The following CLASP1 variants were observed in gnomAD, a reference collection of about 807,000 sequenced individuals.
CLASP1 encodes the protein CLIP-associating protein 1.
A neutral mutation model predicts 192.3 loss-of-function variants in CLASP1; 38 were observed. That is an observed-to-expected ratio of 0.20 (90% CI 0.15 to 0.26). The LOEUF (loss-of-function observed/expected upper bound fraction) is 0.26, where lower values mean the gene tolerates loss of function less well. Among genes scored for constraint, CLASP1 ranks in the 10% least tolerant of loss-of-function variants. The pLI is 1.00. For synonymous variants in CLASP1, 691 were observed against 712.8 expected, an observed-to-expected ratio of 0.97 and a Z score of 0.49; for missense variants, 1,433 against 1,932.5, an observed-to-expected ratio of 0.74 and a Z score of 4.85.
chr2:121,643,649 T>C (rs541989946), intron 1 of CLASP1, among the ~76,000 whole-genome samples: 1 of 152,294 alleles, frequency 6.6e-6, no homozygotes, highest in East Asian at 1.9e-4. Context: ...AAAAAAAGGG[T>C]AACAGTGTGT....
At chr2:121,544,665 T>C (rs1015860936) in intron 2 of CLASP1, among the ~76,000 whole-genome samples, 6 of 152,150 alleles carry the variant, frequency 3.9e-5, no homozygotes, top group African/African-American at 1.4e-4. Flanking sequence ...GAACAAGCTG[T>C]TAGACATATA....
At chr2:121,515,797 G>A in intron 6 of CLASP1, 35 bp from the exon 7 acceptor site, 1 of 1,577,716 alleles carries the variant, frequency 6.3e-7, no homozygotes, top group Non-Finnish European at 8.7e-7. Context: ...CAGCTGCTCT[G>A]TGTCATCCCC....
At chr2:121,412,935 C>T (rs1293444511) in intron 23 of CLASP1, among the ~76,000 whole-genome samples, 1 of 152,162 alleles carries the variant, frequency 6.6e-6, no homozygotes, top group Admixed American at 6.5e-5. Flanking sequence ...TCAGTCTGGT[C>T]CCTAATCTTC....
At chr2:121,348,410 C>T in intron 38 of CLASP1, 102 bp downstream of exon 39, 2 of 1,085,262 alleles carry the variant, frequency 1.8e-6, no homozygotes, top group South Asian at 1.6e-5. Flanking sequence ...GTTTTTCCTA[C>T]CCGTCCCTGC....
chr2:121,499,234 A>G (rs939805085), intron 8 of CLASP1, among the ~76,000 whole-genome samples: 1 of 152,242 alleles, frequency 6.6e-6, no homozygotes, highest in Non-Finnish European at 1.5e-5. Context: ...AATCTTGTTC[A>G]GCCATAAAAA....
chr2:121,374,613 CACA>C (rs2069559389), intron 34 of CLASP1, among the ~76,000 whole-genome samples: 1 of 152,212 alleles, frequency 6.6e-6, no homozygotes, highest in South Asian at 2.1e-4. Flanking sequence ...CTTGCAGAGC[CACA>C]AGGGTGGAGC....
chr2:121,356,919 G>T (rs865868540), intron 37 of CLASP1, among the ~76,000 whole-genome samples: 2 of 151,020 alleles, frequency 1.3e-5, no homozygotes, highest in Non-Finnish European at 2.9e-5. Context: ...GGGGCTGGGA[G>T]CCCAGGAGGT....
rs918348085 is a variant in CLASP1 at position 121,397,907 on chromosome 2, A to G, written c.2979+415T>C. Among the ~76,000 whole-genome samples, 94 of 152,202 alleles carry G rather than the reference A, an allele frequency of 6.2e-4. 1 individual carries two copies. Among genetic ancestry groups the G allele is most frequent in the Admixed American group, 5.9e-3 (90 of 15,280 alleles). On this transcript the variant is annotated intron_variant, in intron 29 of 39. Coordinates refer to ENST00000263710, the Ensembl canonical transcript of CLASP1. ...GATTTTCCACAACATGTAACGATTA[A>G]CTTTCACAGCTTAGAATGTTAATAT...
intron 35 of CLASP1, among the ~76,000 whole-genome samples, chr2:121,365,768 C>T (rs1241704175): frequency 6.6e-6 from 1 of 152,182 alleles, no homozygotes. Context: ...CCATTCCCTT[C>T]TCAAATGTCT....
At chr2:121,488,514 A>C (rs1559407443) in intron 8 of CLASP1, among the ~76,000 whole-genome samples, 1 of 152,228 alleles carries the variant, frequency 6.6e-6, no homozygotes, top group East Asian at 1.9e-4. Context: ...TTGGCCTGAC[A>C]AAATGGCTTT....
chr2:121,574,327 CAAAAAA>C (rs35418553), intron 2 of CLASP1, among the ~76,000 whole-genome samples: 1 of 120,768 alleles, frequency 8.3e-6, no homozygotes, highest in Non-Finnish European at 1.8e-5. Flanking sequence ...GACTCCATCT[CAAAAAA>C]AAAAAAAAAA....
intron 2 of CLASP1, among the ~76,000 whole-genome samples, chr2:121,574,327 CAAA>C (rs35418553): frequency 4.1e-5 from 5 of 120,774 alleles, no homozygotes; most frequent in African/African-American, 5.9e-5. Flanking sequence ...GACTCCATCT[CAAA>C]AAAAAAAAAA....
At chr2:121,536,377 T>TAAAAAAAAA (rs1559552495) in intron 2 of CLASP1, among the ~76,000 whole-genome samples, 2 of 62,086 alleles carry the variant, frequency 3.2e-5, no homozygotes, top group African/African-American at 3.1e-4. Flanking sequence ...CAAGACTGTC[T>TAAAAAAAAA]GAAAAAAAAA....
chr2:121,355,831 C>T (rs937904941), intron 37 of CLASP1, among the ~76,000 whole-genome samples: 5 of 152,184 alleles, frequency 3.3e-5, no homozygotes, highest in African/African-American at 1.2e-4. Context: ...TCAAAGAGGA[C>T]AGGATCAAAA....
At chr2:121,478,427 C>A (rs1366007076) in intron 8 of CLASP1, among the ~76,000 whole-genome samples, 2 of 152,030 alleles carry the variant, frequency 1.3e-5, no homozygotes, top group African/African-American at 4.8e-5. Context: ...ATGGTGAAAC[C>A]TCATCTCTAC....
At chr2:121,562,105 A>G (rs1343993140) in intron 2 of CLASP1, among the ~76,000 whole-genome samples, 1 of 152,176 alleles carries the variant, frequency 6.6e-6, no homozygotes, top group Non-Finnish European at 1.5e-5. Context: ...CATAAAACGG[A>G]TTTCTCACTA....
intron 19 of CLASP1, among the ~76,000 whole-genome samples, chr2:121,437,497 G>C (rs756504): frequency 0.25 from 38,053 of 152,064 alleles, 7,572 homozygotes; most frequent in African/African-American, 0.55. Flanking sequence ...TTGTTTGTGT[G>C]CTGTGGACAC....
chr2:121,620,837 G>A (rs912583514), intron 1 of CLASP1, among the ~76,000 whole-genome samples: 1 of 152,042 alleles, frequency 6.6e-6, no homozygotes, highest in Non-Finnish European at 1.5e-5. Flanking sequence ...ATTCTGGGAT[G>A]TCTTCATTTT....
chr2:121,451,744 A>G lies in CLASP1; in HGVS notation c.1445+46T>C, dbSNP rs780172747. The G allele has an allele frequency of 1.4e-5, 21 of 1,477,982 alleles. 1 individual carries two copies. The highest frequency in any genetic ancestry group is 7.8e-5 in the Admixed American group (4 of 51,100). 91.6% of individuals were successfully genotyped at this position (1,477,982 alleles called of 1,614,324 possible). A position where few individuals can be genotyped will look rare whatever the true frequency, so the allele number is the denominator to read the frequency against. On this transcript the variant is annotated intron_variant, in intron 15 of 39. Coordinates refer to ENST00000263710, the Ensembl canonical transcript of CLASP1. ...GACCACTCACCAAAGCATTCACTCTAAAGGCTCAATTCAGAGGGAAAAATG... is the reference window on the plus strand; with the variant it reads ...GACCACTCACCAAAGCATTCACTCTGAAGGCTCAATTCAGAGGGAAAAATG...
Sources: gnomAD v4.1 joint callset for allele counts (sites outside exome capture counted in the v4.1 genomes callset) on GRCh38, gnomAD v4.1.1 for gene constraint, MANE v1.5 for transcripts, NCBI Gene and HGNC (gene_info 2026-07-23, HGNC 2026-07-21) for gene names.